CACNA2D1: variants seen among roughly 807,000 people sequenced by gnomAD.
CACNA2D1 encodes calcium voltage-gated channel auxiliary subunit alpha2delta 1.
In CACNA2D1, 53 loss-of-function variants were observed where a neutral mutation model predicts 171.5. The observed-to-expected ratio is 0.31, with a 90% CI of 0.25 to 0.39. The LOEUF (loss-of-function observed/expected upper bound fraction) is 0.39, where lower values mean the gene tolerates loss of function less well. Among genes scored for constraint, CACNA2D1 ranks in the 10% least tolerant of loss-of-function variants. The pLI is 1.00. For synonymous variants in CACNA2D1, 442 were observed against 443.1 expected (o/e 1.00, Z 0.03); for missense variants, 903 against 1,299.8 (o/e 0.69, Z 4.69).
At chr7:82,070,250 C>G (rs1426258391) in intron 7 of CACNA2D1, among the ~76,000 whole-genome samples, 1 of 152,118 alleles carries the variant, frequency 6.6e-6, no homozygotes, top group African/African-American at 2.4e-5. Context: ...GCCAAAAAAT[C>G]TAGGAAAGCA....
chr7:82,126,529 A>G (rs1189824154), intron 5 of CACNA2D1, among the ~76,000 whole-genome samples: 1 of 152,190 alleles, frequency 6.6e-6, no homozygotes, highest in Non-Finnish European at 1.5e-5. Context: ...TATTAATACT[A>G]TATGTAGAAT....
chr7:81,960,930 C>T (rs1321599615), intron 36 of CACNA2D1, among the ~76,000 whole-genome samples: 1 of 151,998 alleles, frequency 6.6e-6, no homozygotes, highest in Non-Finnish European at 1.5e-5. Flanking sequence ...TCTTTATATA[C>T]TCTACCTCCT....
At chr7:82,150,257 TA>T (rs565121488) in intron 4 of CACNA2D1, among the ~76,000 whole-genome samples, 29,846 of 93,052 alleles carry the variant, frequency 0.32, 5,145 homozygotes, top group African/African-American at 0.5. Flanking sequence ...TAGATCAAAT[TA>T]AAAAAAAAAA....
chr7:82,063,429 G>C (rs891888616), intron 9 of CACNA2D1, among the ~76,000 whole-genome samples: 8 of 152,060 alleles, frequency 5.3e-5, no homozygotes, highest in African/African-American at 1.9e-4. Flanking sequence ...TGGGTTATGA[G>C]GGTTTGGACA....
chr7:82,076,530 A>C (rs969578303), intron 7 of CACNA2D1, among the ~76,000 whole-genome samples: 2 of 152,168 alleles, frequency 1.3e-5, no homozygotes, highest in Non-Finnish European at 2.9e-5. Flanking sequence ...GTTTTTAAAA[A>C]ATAAAGTCTG....
At chr7:82,366,425 C>T (rs1203001379) in intron 1 of CACNA2D1, among the ~76,000 whole-genome samples, 1 of 152,142 alleles carries the variant, frequency 6.6e-6, no homozygotes, top group Non-Finnish European at 1.5e-5. Flanking sequence ...ATCTTTATAA[C>T]CATGTGCACC....
intron 12 of CACNA2D1, among the ~76,000 whole-genome samples, chr7:82,017,051 G>A (rs1034517817): frequency 6.6e-5 from 10 of 151,666 alleles, no homozygotes; most frequent in Admixed American, 2.0e-4. Context: ...CAATATTTAC[G>A]CAATCTAATA....
chr7:82,304,521 AC>A (rs1813466162), intron 3 of CACNA2D1, among the ~76,000 whole-genome samples: 1 of 152,178 alleles, frequency 6.6e-6, no homozygotes, highest in South Asian at 2.1e-4. Flanking sequence ...CTATTGGGCC[AC>A]AAAAAAAGAA....
chr7:82,060,202 TATATATATA>T (rs1429808693), intron 10 of CACNA2D1, among the ~76,000 whole-genome samples: 240 of 9,674 alleles, frequency 0.025, 18 homozygotes, highest in Middle Eastern at 0.33. Context: ...ATATATATAT[TATATATATA>T]ATATATATAT....
At chr7:82,170,982 TTC>T (rs887821459) in intron 3 of CACNA2D1, among the ~76,000 whole-genome samples, 2 of 152,046 alleles carry the variant, frequency 1.3e-5, no homozygotes, top group African/African-American at 4.8e-5. Flanking sequence ...GAGCATACAT[TTC>T]TCTTAAAAAA....
chr7:82,437,495 A>G (rs1300636615), intron 1 of CACNA2D1, among the ~76,000 whole-genome samples: 4 of 152,122 alleles, frequency 2.6e-5, no homozygotes, highest in Non-Finnish European at 2.9e-5. Flanking sequence ...AAATCCACAG[A>G]GCATATGGTT....
chr7:82,113,435 GA>G (rs1788675265), intron 6 of CACNA2D1, among the ~76,000 whole-genome samples: 2 of 152,056 alleles, frequency 1.3e-5, no homozygotes, highest in South Asian at 4.1e-4. Context: ...TCCTCTAAAA[GA>G]AAAGGAGCAA....
At chr7:82,431,531 C>T (rs746622048) in intron 1 of CACNA2D1, among the ~76,000 whole-genome samples, 5 of 152,034 alleles carry the variant, frequency 3.3e-5, no homozygotes, top group South Asian at 2.1e-4. Context: ...TGCAGCCAGG[C>T]GAGATAATAG....
chr7:82,134,422 G>C (rs1791365960), intron 5 of CACNA2D1, among the ~76,000 whole-genome samples: 1 of 152,088 alleles, frequency 6.6e-6, no homozygotes, highest in Admixed American at 6.6e-5. Flanking sequence ...CTGGATTAGG[G>C]CATGAATTAT....
At chr7:82,286,976 C>T (rs1810869610) in intron 3 of CACNA2D1, among the ~76,000 whole-genome samples, 1 of 152,128 alleles carries the variant, frequency 6.6e-6, no homozygotes, top group African/African-American at 2.4e-5. Context: ...TTGCATCCTG[C>T]ACCATTTAAC....
At chr7:82,422,906 T>A (rs79347604) in intron 1 of CACNA2D1, among the ~76,000 whole-genome samples, 18 of 151,956 alleles carry the variant, frequency 1.2e-4, no homozygotes, top group East Asian at 1.2e-3. Flanking sequence ...AAAATTTCCA[T>A]GCATTTTAAT....
intron 3 of CACNA2D1, among the ~76,000 whole-genome samples, chr7:82,301,127 T>TG (rs1434698930): frequency 2.6e-5 from 4 of 152,232 alleles, no homozygotes; most frequent in Non-Finnish European, 5.9e-5. Flanking sequence ...TTTATTTTTC[T>TG]TTTTGATGGC....
intron 3 of CACNA2D1, among the ~76,000 whole-genome samples, chr7:82,202,089 T>G (rs1218175734): frequency 6.6e-6 from 1 of 152,190 alleles, no homozygotes; most frequent in African/African-American, 2.4e-5. Flanking sequence ...CCACTCATTA[T>G]ATAACCAAGC....
chr7:82,355,483 T>C (rs899730375), intron 1 of CACNA2D1, among the ~76,000 whole-genome samples: 13 of 152,144 alleles, frequency 8.5e-5, no homozygotes, highest in African/African-American at 2.7e-4. Context: ...TTAAACATGA[T>C]AGCTAGTCAG....
Sources: gnomAD v4.1 joint callset for allele counts (sites outside exome capture counted in the v4.1 genomes callset) on GRCh38, gnomAD v4.1.1 for gene constraint, MANE v1.5 for transcripts, NCBI Gene and HGNC (gene_info 2026-07-23, HGNC 2026-07-21) for gene names.